Variants in LMO7 observed in about 807,000 individuals in gnomAD.
LMO7 encodes LIM domain only protein 7.
LMO7 carries 120 observed loss-of-function variants against 206.5 expected under a neutral mutation model. The ratio of observed to expected loss-of-function variants is 0.58; its 90% CI spans 0.50 to 0.68. LMO7 has a LOEUF of 0.68. Ranked by LOEUF, LMO7 falls within the 30% of genes least tolerant of loss-of-function variation. LMO7 has a pLI of 0.00. For missense variants in LMO7, 1,959 were observed against 1,957.9 expected, an observed-to-expected ratio of 1.00 and a Z score of -0.01; for synonymous variants, 706 against 681.5, an observed-to-expected ratio of 1.04 and a Z score of -0.56.
At chr13:75,852,992 T>C in intron 27 of LMO7, 100 bp from the exon 28 acceptor site, 2 of 969,410 alleles carry the variant, frequency 2.1e-6, no homozygotes, top group Non-Finnish European at 3.0e-6. Flanking sequence ...TATCCACATA[T>C]AAAATATAAA....
intron 3 of LMO7, among the ~76,000 whole-genome samples, chr13:75,741,798 G>A (rs567853010): frequency 1.3e-5 from 2 of 152,264 alleles, no homozygotes; most frequent in Admixed American, 6.5e-5. Flanking sequence ...AAAGCTGGAA[G>A]CATTGCCCTT....
intron 8 of LMO7, chr13:75,805,251 C>A: frequency 9.4e-7 from 1 of 1,063,420 alleles, no homozygotes; most frequent in Non-Finnish European, 1.3e-6. Flanking sequence ...TTCCTTTTAA[C>A]ACAGCTTCTA....
chr13:75,799,481 T>C (rs1470810311), intron 6 of LMO7, among the ~76,000 whole-genome samples: 1 of 152,230 alleles, frequency 6.6e-6, no homozygotes, highest in Non-Finnish European at 1.5e-5. Flanking sequence ...CTCCTAAGAA[T>C]ATGAATATTC....
intron 3 of LMO7, among the ~76,000 whole-genome samples, chr13:75,737,795 A>AT (rs2046028736): frequency 7.9e-6 from 1 of 127,016 alleles, no homozygotes. Flanking sequence ...AAAAAAAAAA[A>AT]AAAAAACTTT....
At chr13:75,784,376 A>G (rs2052059630) in intron 4 of LMO7, among the ~76,000 whole-genome samples, 1 of 152,202 alleles carries the variant, frequency 6.6e-6, no homozygotes, top group Non-Finnish European at 1.5e-5. Flanking sequence ...AGAGTGATTT[A>G]TGACATAAAA....
chr13:75,742,173 G>A (rs1451576847), intron 3 of LMO7, among the ~76,000 whole-genome samples: 1 of 152,132 alleles, frequency 6.6e-6, no homozygotes, highest in Admixed American at 6.5e-5. Context: ...AACCAGGGAC[G>A]TGAAAGATCT....
At position 75,688,045 on chromosome 13, in the gene LMO7, G is replaced by A. The variant is rs373513979; in HGVS notation, c.70-25137G>A. 1.7e-4 allele frequency among the ~76,000 whole-genome samples: 26 copies of A among 152,268 alleles called. No homozygotes were observed. The East Asian group carries it at 1.7e-3, about 10-fold the overall frequency. The stretch of plus-strand genomic sequence containing the variant: ...TTCCCCTGCATATGTTCTCTTGCCT[G>A]CCGCCACGTAAGATGTGCCCTTCTC... On this transcript the variant is annotated intron_variant, in intron 1 of 30. Transcript: ENST00000377534.
intron 1 of LMO7, among the ~76,000 whole-genome samples, chr13:75,702,323 C>T (rs1011702166): frequency 2.6e-5 from 4 of 152,054 alleles, no homozygotes; most frequent in African/African-American, 9.7e-5. Flanking sequence ...GTAACTGACC[C>T]CAGCCACTCT....
chr13:75,796,677 C>T lies in LMO7; in HGVS notation c.390C>T (p.Ser130=). The part of the protein sequence containing the change: ...TLYWLGRKAQ[S]NPYYNGPHLN... ...ACTGGCTGGGAAGAAAAGCACAAAG[C>T]AACCCGTACTATAATGGTCCCCATC... The change falls in exon 6 of 31, where the codon AGC becomes AGT. Residue 130 remains serine (S), a synonymous_variant. Coordinates refer to ENST00000377534, the MANE Select transcript of LMO7 (RefSeq NM_001306080.2). The T allele has an allele frequency of 6.2e-7, 1 of 1,613,252 alleles. No homozygotes were observed. Among genetic ancestry groups the T allele is most frequent in the East Asian group, 2.2e-5 (1 of 44,820 alleles).
At chr13:75,799,980 C>T (rs142285059) in intron 6 of LMO7, among the ~76,000 whole-genome samples, 27 of 152,220 alleles carry the variant, frequency 1.8e-4, no homozygotes, top group African/African-American at 6.0e-4. Flanking sequence ...TTTATATGAG[C>T]CAAACAAATA....
At chr13:75,815,378 A>G (rs891101418) in intron 11 of LMO7, among the ~76,000 whole-genome samples, 1 of 152,184 alleles carries the variant, frequency 6.6e-6, no homozygotes, top group African/African-American at 2.4e-5. Context: ...CAGTTATGGT[A>G]TATGAGAGAA....
At chr13:75,640,244 C>T (rs1295993346) in intron 1 of LMO7, among the ~76,000 whole-genome samples, 2 of 4,908 alleles carry the variant, frequency 4.1e-4, no homozygotes, top group African/African-American at 1.6e-3. Flanking sequence ...AGGTGTGAGC[C>T]ACCGCACCTG....
At chr13:75,801,617 G>T (rs146142680) in intron 7 of LMO7, among the ~76,000 whole-genome samples, 1 of 152,094 alleles carries the variant, frequency 6.6e-6, no homozygotes, top group Non-Finnish European at 1.5e-5. Context: ...TGGGTATAGC[G>T]TCAGCAATTT....
At chr13:75,735,548 G>C (rs183876602) in intron 3 of LMO7, among the ~76,000 whole-genome samples, 3 of 152,092 alleles carry the variant, frequency 2.0e-5, no homozygotes, top group Non-Finnish European at 4.4e-5. Flanking sequence ...TGCAAACTCC[G>C]CCTTCTGGGT....
chr13:75,621,653 G>C, exon 1 of LMO7: 5 of 1,264,336 alleles, frequency 4.0e-6, no homozygotes, highest in Non-Finnish European at 5.4e-6. Context: ...CAATATATGG[G>C]TACGGTCTAA....
At chr13:75,747,993 A>G (rs1157334015) in intron 3 of LMO7, among the ~76,000 whole-genome samples, 2 of 152,130 alleles carry the variant, frequency 1.3e-5, no homozygotes, top group African/African-American at 2.4e-5. Context: ...ATCTCTGAGT[A>G]TTTACCTATA....
At chr13:75,786,100 C>T (rs149291604) in intron 4 of LMO7, among the ~76,000 whole-genome samples, 1 of 152,138 alleles carries the variant, frequency 6.6e-6, no homozygotes, top group Non-Finnish European at 1.5e-5. Flanking sequence ...TCATCCTCAC[C>T]CCTCATCTGC....
intron 3 of LMO7, among the ~76,000 whole-genome samples, chr13:75,743,760 A>G (rs1007900213): frequency 3.1e-4 from 47 of 152,268 alleles, no homozygotes; most frequent in African/African-American, 1.1e-3. Flanking sequence ...TAGGCTTAGT[A>G]CCTGGGTGAT....
chr13:75,823,190 G>A (rs2057775261), intron 14 of LMO7, among the ~76,000 whole-genome samples: 1 of 152,052 alleles, frequency 6.6e-6, no homozygotes, highest in South Asian at 2.1e-4. Flanking sequence ...CAAAATGTTG[G>A]TGAACTTGTT....
Sources: allele counts gnomAD v4.1 joint callset (sites outside exome capture counted in the v4.1 genomes callset), GRCh38; gene constraint gnomAD v4.1.1; transcripts MANE v1.5; gene names NCBI Gene and HGNC (gene_info 2026-07-23, HGNC 2026-07-21).